Variants in FNDC3B observed in about 807,000 individuals in gnomAD.
FNDC3B encodes the protein fibronectin type III domain containing 3B, also known as fibronectin type III domain-containing protein 3B.
FNDC3B carries 12 observed loss-of-function variants against 151.5 expected under a neutral mutation model. The ratio of observed to expected loss-of-function variants is 0.08; its 90% CI spans 0.05 to 0.13. FNDC3B has a LOEUF of 0.13. Among genes scored for constraint, FNDC3B ranks in the 10% least tolerant of loss-of-function variants. FNDC3B has a pLI of 1.00. For synonymous variants in FNDC3B, 528 were observed against 549.0 expected, an observed-to-expected ratio of 0.96 and a Z score of 0.54; for missense variants, 1,214 against 1,505.3, an observed-to-expected ratio of 0.81 and a Z score of 3.20.
At position 172,330,708 on chromosome 3, in the gene FNDC3B, A is replaced by C; in HGVS notation, c.1547A>C (p.Asp516Ala). 1 of 1,612,740 alleles carries C rather than the reference A, an allele frequency of 6.2e-7. No homozygotes were observed. Among genetic ancestry groups the C allele is most frequent in the Non-Finnish European group, 8.5e-7 (1 of 1,178,952 alleles). Residue 516 changes from aspartate (D) to alanine (A), a missense_variant, in exon 13 of 26, where the codon GAT (aspartate) becomes GCT (alanine). By Grantham distance (126) the Asp-to-Ala change is moderately radical (BLOSUM62 -2). Around this residue, in one of 7 missense-constraint regions of FNDC3B, gnomAD observed 111 missense variants for 96.8 expected, o/e 1.15. Coordinates refer to ENST00000415807, the MANE Select transcript of FNDC3B (RefSeq NM_022763.4). Reference sequence around the variant, plus strand: ...ACCTACACCTTGGAAATTCAGGAGGATGAAAATGTGAGTTTTACAGATTTT... The same window carrying C: ...ACCTACACCTTGGAAATTCAGGAGGCTGAAAATGTGAGTTTTACAGATTTT... ...VITYTLEIQE[D>A]ENDNLFHPKY... is the part of the protein sequence containing the mutation.
chr3:172,192,725 G>T (rs1324218988), intron 3 of FNDC3B, among the ~76,000 whole-genome samples: 1 of 151,808 alleles, frequency 6.6e-6, no homozygotes, highest in Non-Finnish European at 1.5e-5. Flanking sequence ...TAATTACAGG[G>T]CATGAATATA....
chr3:172,297,506 G>T (rs1730674658), intron 8 of FNDC3B, among the ~76,000 whole-genome samples: 1 of 150,726 alleles, frequency 6.6e-6, no homozygotes, highest in Non-Finnish European at 1.5e-5. Flanking sequence ...ACAGAGTCTT[G>T]CTCTGTCGCC....
chr3:172,297,807 T>C (rs562425363), intron 8 of FNDC3B, among the ~76,000 whole-genome samples: 1 of 152,338 alleles, frequency 6.6e-6, no homozygotes, highest in Non-Finnish European at 1.5e-5. Flanking sequence ...TAATGGTCCC[T>C]TACTACAAAA....
At chr3:172,175,940 T>C (rs1164767304) in intron 3 of FNDC3B, among the ~76,000 whole-genome samples, 1 of 152,250 alleles carries the variant, frequency 6.6e-6, no homozygotes, top group Non-Finnish European at 1.5e-5. Flanking sequence ...TTTATAAGCC[T>C]ATTTTTGTTC....
intron 25 of FNDC3B, among the ~76,000 whole-genome samples, chr3:172,388,609 TG>T (rs1735849204): frequency 6.6e-6 from 1 of 152,200 alleles, no homozygotes; most frequent in Non-Finnish European, 1.5e-5. Flanking sequence ...TGCACAGTCC[TG>T]GGGGAGGCAC....
At chr3:172,188,705 C>T (rs543186289) in intron 3 of FNDC3B, among the ~76,000 whole-genome samples, 87 of 152,162 alleles carry the variant, frequency 5.7e-4, no homozygotes, top group African/African-American at 1.8e-3. Context: ...GCTCCCGGCC[C>T]GAAACTGAAG....
Position 172,333,105 on chromosome 3 carries a change from C to T in FNDC3B, c.1571C>T (p.Pro524Leu). Reference sequence around the variant, plus strand: ...CCTTTTCAGGATAACCTTTTCCACCCAAAATACACTGGAGAGGATTTAACC... The same window carrying T: ...CCTTTTCAGGATAACCTTTTCCACCTAAAATACACTGGAGAGGATTTAACC... ...QEDENDNLFH[P>L]KYTGEDLTCT... The change falls in exon 14 of 26, where the codon CCA becomes CTA. Residue 524 changes from proline to leucine, a missense_variant. Physicochemically the swap from Pro to Leu is moderately conservative, Grantham distance 98. This residue lies in a region of FNDC3B where 111 missense variants were observed against 96.8 expected (regional missense o/e 1.15). Coordinates refer to ENST00000415807, the MANE Select transcript of FNDC3B (RefSeq NM_022763.4). The T allele has an allele frequency of 6.2e-7, 1 of 1,612,408 alleles. No individual in the cohort carries two copies. The highest frequency in any genetic ancestry group is 2.2e-5 in the East Asian group (1 of 44,860).
intron 3 of FNDC3B, among the ~76,000 whole-genome samples, chr3:172,213,494 G>C (rs367578933): frequency 1.4e-3 from 220 of 152,310 alleles, no homozygotes; most frequent in Middle Eastern, 6.8e-3. Flanking sequence ...AGGGATGTCT[G>C]GAAAAGGGAG....
chr3:172,298,224 C>T (rs1011239209), intron 8 of FNDC3B, among the ~76,000 whole-genome samples: 4 of 152,146 alleles, frequency 2.6e-5, no homozygotes, highest in Non-Finnish European at 4.4e-5. Context: ...GGTTCAGTTG[C>T]AACTTTTGAG....
intron 3 of FNDC3B, chr3:172,186,710 A>G: frequency 2.8e-6 from 2 of 702,210 alleles, no homozygotes; most frequent in Non-Finnish European, 5.2e-6. Context: ...GTCTTTTAAC[A>G]GATGAAGTGG....
intron 3 of FNDC3B, among the ~76,000 whole-genome samples, chr3:172,143,496 T>C (rs1298221578): frequency 1.3e-5 from 2 of 152,228 alleles, no homozygotes; most frequent in Non-Finnish European, 2.9e-5. Flanking sequence ...TTAACAAATA[T>C]TTTAGGTTAC....
At chr3:172,049,362 A>G (rs942321446) in intron 1 of FNDC3B, among the ~76,000 whole-genome samples, 3 of 152,134 alleles carry the variant, frequency 2.0e-5, no homozygotes, top group African/African-American at 7.2e-5. Flanking sequence ...CTGGAGGGGA[A>G]AAAAGGGCAT....
rs142161175 is a variant in FNDC3B, at chr3:172,200,278, G to A, written c.188-26593G>A. 1.2e-3 allele frequency among the ~76,000 whole-genome samples: 186 copies of A among 152,270 alleles called. 2 individuals are homozygous for A. The East Asian group carries it at 0.031, about 26-fold the overall frequency. On this transcript the variant is annotated intron_variant, in intron 3 of 25. Transcript: ENST00000415807. ...CACACAGACATGAGGAGAAGAGAACGGGGAAACTCCACACAGAGGCCTTGG... is the reference window on the plus strand; with the variant it reads ...CACACAGACATGAGGAGAAGAGAACAGGGAAACTCCACACAGAGGCCTTGG...
chr3:172,236,496 G>A (rs1727172052), intron 4 of FNDC3B, among the ~76,000 whole-genome samples: 2 of 152,202 alleles, frequency 1.3e-5, no homozygotes, highest in South Asian at 4.1e-4. Context: ...TATACAAATT[G>A]TAGGAGTTGC....
intron 3 of FNDC3B, among the ~76,000 whole-genome samples, chr3:172,221,766 T>C (rs1726289092): frequency 6.6e-6 from 1 of 152,234 alleles, no homozygotes; most frequent in African/African-American, 2.4e-5. Flanking sequence ...TGAGTCACCA[T>C]GAATGATTGC....
intron 6 of FNDC3B, among the ~76,000 whole-genome samples, chr3:172,268,968 G>A (rs1204670866): frequency 6.6e-6 from 1 of 152,202 alleles, no homozygotes; most frequent in African/African-American, 2.4e-5. Context: ...TTTACTATTT[G>A]AGAATAGTTC....
chr3:172,061,197 A>T (rs1313400580), intron 1 of FNDC3B, among the ~76,000 whole-genome samples: 1 of 150,138 alleles, frequency 6.7e-6, no homozygotes, highest in Non-Finnish European at 1.5e-5. Flanking sequence ...AAGTGATACC[A>T]ATTTTTTCTT....
intron 3 of FNDC3B, among the ~76,000 whole-genome samples, chr3:172,178,580 G>A (rs1222357671): frequency 2.0e-5 from 3 of 152,198 alleles, no homozygotes; most frequent in Non-Finnish European, 4.4e-5. Context: ...GTTTAGGGCT[G>A]TAGCTATGGG....
chr3:172,209,368 G>A (rs1469106808), intron 3 of FNDC3B, among the ~76,000 whole-genome samples: 1 of 152,166 alleles, frequency 6.6e-6, no homozygotes, highest in Non-Finnish European at 1.5e-5. Flanking sequence ...TGGGTCTCGA[G>A]TTTTTCTTCC....
Sources: gnomAD v4.1 joint callset for allele counts (sites outside exome capture counted in the v4.1 genomes callset) on GRCh38, gnomAD v4.1.1 for gene constraint, gnomAD v4.1.1 regional missense constraint, MANE v1.5 for transcripts, NCBI Gene and HGNC (gene_info 2026-07-23, HGNC 2026-07-21) for gene names.